Variants in RCC1L observed in about 807,000 individuals in gnomAD.
The protein encoded by RCC1L is RCC1-like G exchanging factor-like protein.
RCC1L carries 46 observed loss-of-function variants against 58.6 expected under a neutral mutation model. That is an observed-to-expected ratio of 0.79 (90% CI 0.62 to 1.00). RCC1L has a LOEUF of 1.00. Ranked by LOEUF, RCC1L falls within the 50% of genes least tolerant of loss-of-function variation. The probability of loss-of-function intolerance (pLI) is 0.00; values close to 1 mark genes in which losing one functional copy is unlikely to be tolerated. For synonymous variants in RCC1L, 281 were observed against 262.9 expected (o/e 1.07, Z -0.67); for missense variants, 636 against 623.6 (o/e 1.02, Z -0.21).
intron 4 of RCC1L, 90 bp from the exon 5 acceptor site, chr7:75,063,433 C>CG: frequency 7.6e-7 from 1 of 1,307,800 alleles, no homozygotes; most frequent in Non-Finnish European, 1.1e-6. Flanking sequence ...ACTGATGGCC[C>CG]GTCCCCTCCG....
At chr7:75,028,115 A>AT (rs1805189139) in intron 10 of RCC1L, 4 of 1,417,282 alleles carry the variant, frequency 2.8e-6, no homozygotes, top group Non-Finnish European at 3.7e-6. Flanking sequence ...TATGATGTGG[A>AT]ATTTTTTTTT....
intron 10 of RCC1L, among the ~76,000 whole-genome samples, chr7:75,048,640 T>A (rs1374249832): frequency 6.6e-6 from 1 of 152,170 alleles, no homozygotes; most frequent in African/African-American, 2.4e-5. Context: ...GGAATGTTTG[T>A]CTGTGGAAAG....
downstream of RCC1L, among the ~76,000 whole-genome samples, chr7:75,040,924 A>C (rs936940710): frequency 1.3e-5 from 2 of 152,062 alleles, no homozygotes; most frequent in East Asian, 3.9e-4. Flanking sequence ...TCCACTTTAA[A>C]GTGCAGCTCT....
intron 8 of RCC1L, chr7:75,056,455 AG>A: frequency 7.2e-7 from 1 of 1,392,676 alleles, no homozygotes. Flanking sequence ...CACACTGATC[AG>A]AAGGCCAAAC....
At chr7:75,063,528 T>A (rs1806348238) in intron 4 of RCC1L, among the ~76,000 whole-genome samples, 185 bp from the exon 5 acceptor site, 1 of 151,980 alleles carries the variant, frequency 6.6e-6, no homozygotes, top group Non-Finnish European at 1.5e-5. Context: ...CCAAACAAAA[T>A]CCTAGGTGAT....
Position 75,043,345 on chromosome 7 carries a change from G to C in RCC1L, c.1318-236C>G, listed in dbSNP as rs996476225. On this transcript the variant is annotated intron_variant, in intron 10 of 10. Coordinates refer to ENST00000610322, the MANE Select transcript of RCC1L (RefSeq NM_030798.5). ...CAGGTCCATCAGGACAACTGCGTGTGGTCATGAGGACAAGGCCATCCCAAC... is the reference window on the plus strand; with the variant it reads ...CAGGTCCATCAGGACAACTGCGTGTCGTCATGAGGACAAGGCCATCCCAAC... 4.6e-5 allele frequency among the ~76,000 whole-genome samples: 7 copies of C among 152,338 alleles called. No homozygotes were observed. In the South Asian group the frequency reaches 1.4e-3, roughly 32 times the overall value.
rs1307882507 is a variant in RCC1L at position 75,042,964 on chromosome 7, C to T, written c.*68G>A. 123 of 1,611,516 alleles carry T rather than the reference C, an allele frequency of 7.6e-5. No individual in the cohort carries two copies. The Admixed American group carries it at 1.3e-3, about 17-fold the overall frequency. ...TCCAAGAACCCCGGGGGGCTGGCCA[C>T]GCGCTGGCCTCTGCCAAGGAGTGCC... On this transcript the variant is annotated 3_prime_UTR_variant, in exon 11 of 11. Transcript: ENST00000610322.
Position 75,066,651 on chromosome 7 carries a change from T to A in RCC1L, c.583+13A>T. 1 of 1,609,416 alleles carries A rather than the reference T, an allele frequency of 6.2e-7. No homozygotes were observed. On this transcript the variant is annotated intron_variant, in intron 3 of 10. Coordinates refer to ENST00000610322, the MANE Select transcript of RCC1L (RefSeq NM_030798.5). Reference sequence around the variant, plus strand: ...CCTGCACTCTTCCATCACCCTTCAATAGGTCAACTCACCTCCTTCCCTGTC... The same window carrying A: ...CCTGCACTCTTCCATCACCCTTCAAAAGGTCAACTCACCTCCTTCCCTGTC...
In RCC1L at chr7:75,061,256, C is replaced by T. The variant is rs1005280507; in HGVS notation, c.738G>A (p.Thr246=). Residue 246 remains threonine (T), a synonymous_variant, in exon 6 of 11, where the codon ACG becomes ACA. Transcript: ENST00000610322. The part of the protein sequence containing the change: ...ACGQDHSLFL[T]DKGEVYSCGW... ...CACAAGAATAGACTTCTCCTTTATC[C>T]GTCAGGAACAGACTATGATCCTGAC... is the stretch of plus-strand genomic sequence containing the variant. The T allele has an allele frequency of 2.5e-5, 40 of 1,613,594 alleles. No individual in the cohort carries two copies. The highest frequency in any genetic ancestry group is 3.1e-5 in the Non-Finnish European group (36 of 1,179,790).
chr7:75,055,151 T>C (rs1156375651), intron 9 of RCC1L, among the ~76,000 whole-genome samples: 1 of 152,252 alleles, frequency 6.6e-6, no homozygotes, highest in Non-Finnish European at 1.5e-5. Flanking sequence ...AAGATTCTTT[T>C]AATTGCAAGG....
intron 10 of RCC1L, among the ~76,000 whole-genome samples, chr7:75,049,784 T>G (rs2131984312): frequency 6.6e-6 from 1 of 151,134 alleles, no homozygotes; most frequent in East Asian, 2.0e-4. Context: ...GAGGCTGAGA[T>G]AGGAGGATCA....
chr7:75,061,363 AC>A, intron 5 of RCC1L, 72 bp from the exon 6 acceptor site: 1 of 1,371,232 alleles, frequency 7.3e-7, no homozygotes, highest in Non-Finnish European at 1.0e-6. Context: ...CCAAAGAAGG[AC>A]CAGCACCATC....
At chr7:75,062,819 CAG>C (rs1272982206) in intron 5 of RCC1L, among the ~76,000 whole-genome samples, 66 of 151,692 alleles carry the variant, frequency 4.4e-4, no homozygotes, top group African/African-American at 1.5e-3. Context: ...TTTTTTGAGA[CAG>C]AGTCTTGCTC....
intron 4 of RCC1L, among the ~76,000 whole-genome samples, 192 bp downstream of exon 4, chr7:75,064,390 C>T (rs990253001): frequency 6.6e-6 from 1 of 152,002 alleles, no homozygotes; most frequent in Non-Finnish European, 1.5e-5. Flanking sequence ...CTCATGCCCC[C>T]TCTTCTCCCA....
chr7:75,030,002 T>C (rs941024269), intron 10 of RCC1L, among the ~76,000 whole-genome samples: 2 of 151,636 alleles, frequency 1.3e-5, no homozygotes, highest in African/African-American at 4.8e-5. Context: ...TACAAGAAAA[T>C]AACGAAAGAG....
intron 10 of RCC1L, among the ~76,000 whole-genome samples, chr7:75,033,172 G>T (rs940575390): frequency 1.3e-5 from 2 of 151,998 alleles, no homozygotes; most frequent in East Asian, 3.9e-4. Context: ...CCTTATGCTG[G>T]TGCTGGGGAC....
chr7:75,069,200 CT>C (rs1373740566), intron 2 of RCC1L, among the ~76,000 whole-genome samples: 32 of 148,034 alleles, frequency 2.2e-4, no homozygotes, highest in Admixed American at 1.3e-3. Context: ...TTTCTTTTTT[CT>C]TTTTTTTAAG....
intron 1 of RCC1L, 46 bp downstream of exon 1, chr7:75,073,368 G>C: frequency 1.1e-6 from 1 of 882,852 alleles, no homozygotes. Context: ...GAGGCCGGGA[G>C]CGCGGAAGAG....
intron 3 of RCC1L, among the ~76,000 whole-genome samples, chr7:75,065,091 C>T (rs908687534): frequency 6.6e-6 from 1 of 151,988 alleles, no homozygotes; most frequent in African/African-American, 2.4e-5. Flanking sequence ...TCTGCCCAGC[C>T]GCTGTGCAAC....
Sources: allele counts gnomAD v4.1 joint callset (sites outside exome capture counted in the v4.1 genomes callset), GRCh38; gene constraint gnomAD v4.1.1; transcripts MANE v1.5; gene names NCBI Gene and HGNC (gene_info 2026-07-23, HGNC 2026-07-21).